Variants in PARD3B observed in about 807,000 individuals in gnomAD.
The protein encoded by PARD3B is par-3 family cell polarity regulator beta.
Under a neutral mutation model 130.2 loss-of-function variants are expected in PARD3B, and 103 were observed. The ratio of observed to expected loss-of-function variants is 0.79; its 90% CI spans 0.67 to 0.93. The LOEUF is 0.93. Ranked by LOEUF, PARD3B falls within the 40% of genes least tolerant of loss-of-function variation. The pLI, the probability that PARD3B is intolerant of heterozygous loss-of-function variation, is 0.00. For missense variants in PARD3B, 1,609 were observed against 1,499.2 expected (o/e 1.07, Z -1.21); for synonymous variants, 583 against 553.2 (o/e 1.05, Z -0.76).
intron 2 of PARD3B, among the ~76,000 whole-genome samples, chr2:204,807,752 A>T (rs2042825350): frequency 6.6e-6 from 1 of 152,138 alleles, no homozygotes; most frequent in African/African-American, 2.4e-5. Flanking sequence ...TAAACTTCAC[A>T]TCTTCTCTCT....
chr2:205,414,474 A>ACTAT (rs1030352120), intron 19 of PARD3B, among the ~76,000 whole-genome samples: 1 of 152,182 alleles, frequency 6.6e-6, no homozygotes, highest in African/African-American at 2.4e-5. Flanking sequence ...GAAAAGAATA[A>ACTAT]CTATCTATTA....
rs148123586 is a variant in PARD3B, at chr2:205,541,872, G to A, written c.3181-11452G>A. ...AGCACATGTTTGGCTGGCCAGACAC[G>A]GTGGCTCACACCTGTAATCCCAGCA... is the stretch of plus-strand genomic sequence containing the variant. On this transcript the variant is annotated intron_variant, in intron 21 of 22. Transcript: ENST00000406610. 9.7e-3 allele frequency among the ~76,000 whole-genome samples: 1,466 copies of A among 151,868 alleles called. 12 individuals carry two copies. Among genetic ancestry groups the A allele is most frequent in the South Asian group, 0.016 (75 of 4,802 alleles).
chr2:205,404,871 C>T (rs2046367917), intron 19 of PARD3B, among the ~76,000 whole-genome samples: 1 of 152,142 alleles, frequency 6.6e-6, no homozygotes, highest in Non-Finnish European at 1.5e-5. Flanking sequence ...GTACAAATGT[C>T]TTTATAAGTT....
At position 205,011,844 on chromosome 2, in the gene PARD3B, C is replaced by T. The variant is rs1575552692; in HGVS notation, c.395-35737C>T. On this transcript the variant is annotated intron_variant, in intron 3 of 22. Transcript: ENST00000406610. This position sits in a 1 kb window ranked among gnomAD's most constrained non-coding sequence, Gnocchi z 4.1. Reference sequence around the variant, plus strand: ...TCACACTCAGCCTCTGCAGTTATGCCTGGCATCATTTAGATCAGAATTGGT... The same window carrying T: ...TCACACTCAGCCTCTGCAGTTATGCTTGGCATCATTTAGATCAGAATTGGT... 6.6e-6 allele frequency among the ~76,000 whole-genome samples: 1 copy of T among 151,756 alleles called. No homozygotes were observed. The highest frequency in any genetic ancestry group is 1.9e-4 in the East Asian group (1 of 5,152).
intron 4 of PARD3B, among the ~76,000 whole-genome samples, chr2:205,053,080 G>C (rs1399357773): frequency 6.6e-6 from 1 of 152,010 alleles, no homozygotes; most frequent in Non-Finnish European, 1.5e-5. Context: ...ACAGTGAGTG[G>C]CTGCATTCTC....
At chr2:204,831,099 T>G (rs796398932) in intron 2 of PARD3B, among the ~76,000 whole-genome samples, 3 of 152,250 alleles carry the variant, frequency 2.0e-5, no homozygotes, top group African/African-American at 7.2e-5. Flanking sequence ...TTCTGTTGTC[T>G]GAACTCTTCT....
chr2:204,835,271 T>C (rs2043986580), intron 2 of PARD3B, among the ~76,000 whole-genome samples: 1 of 152,220 alleles, frequency 6.6e-6, no homozygotes, highest in Non-Finnish European at 1.5e-5. Context: ...TGTGTCTTGA[T>C]GCAGAAATTA....
chr2:204,940,604 A>T (rs560360215), intron 2 of PARD3B, among the ~76,000 whole-genome samples: 1 of 152,146 alleles, frequency 6.6e-6, no homozygotes, highest in Non-Finnish European at 1.5e-5. Context: ...CAGGGAAATT[A>T]GTACTATTAT....
intron 19 of PARD3B, among the ~76,000 whole-genome samples, chr2:205,404,334 T>C (rs1203635452): frequency 6.6e-6 from 1 of 152,208 alleles, no homozygotes; most frequent in Non-Finnish European, 1.5e-5. Context: ...AGAGATGATT[T>C]AAAGTATATG....
intron 2 of PARD3B, among the ~76,000 whole-genome samples, chr2:204,837,108 C>T (rs1218373512): frequency 1.3e-5 from 2 of 152,104 alleles, no homozygotes; most frequent in East Asian, 1.9e-4. Flanking sequence ...TGATTGGACC[C>T]CCTGATGTGT....
chr2:205,220,291 C>T (rs116819001), intron 15 of PARD3B, among the ~76,000 whole-genome samples: 1,607 of 152,190 alleles, frequency 0.011, 20 homozygotes, highest in African/African-American at 0.035. Flanking sequence ...CTTTCTCTTC[C>T]GCCTGTTCTC....
At chr2:205,164,462 A>G (rs1054855696) in intron 11 of PARD3B, among the ~76,000 whole-genome samples, 1 of 151,932 alleles carries the variant, frequency 6.6e-6, no homozygotes, top group Non-Finnish European at 1.5e-5. Flanking sequence ...GCGAGACCCC[A>G]TCTCTTTTTT....
intron 2 of PARD3B, among the ~76,000 whole-genome samples, chr2:204,950,980 A>G (rs62173485): frequency 9.1e-4 from 139 of 152,180 alleles, no homozygotes; most frequent in Non-Finnish European, 1.6e-3. Flanking sequence ...TACTAAGGGG[A>G]CTAGAGATTT....
In PARD3B at chr2:204,836,288, C is replaced by T. The variant is rs1295545144; in HGVS notation, c.223-128864C>T. ...CAGAAATAAGAATTTTACATCTCTA[C>T]AAGTAAATCAGAAATATAATTAGAT... On this transcript the variant is annotated intron_variant, in intron 2 of 22. Coordinates refer to ENST00000406610, the MANE Select transcript of PARD3B (RefSeq NM_001302769.2). 2.0e-5 allele frequency among the ~76,000 whole-genome samples: 3 copies of T among 152,106 alleles called. No individual in the cohort carries two copies. The East Asian group carries it at 5.8e-4, about 29-fold the overall frequency.
rs2044024895 is a variant in PARD3B at position 205,352,332 on chromosome 2, T to A, written c.2631-48681T>A. On this transcript the variant is annotated intron_variant, in intron 18 of 22. Transcript: ENST00000406610. The surrounding 1 kb of genome is among the most constrained non-coding windows in gnomAD (Gnocchi z 5.2). Reference sequence around the variant, plus strand: ...TGCTGGCTGGATATTTATTTCAGATTTTTGTGGTTTCTCATGTCGTGGATT... The same window carrying A: ...TGCTGGCTGGATATTTATTTCAGATATTTGTGGTTTCTCATGTCGTGGATT... 6.6e-6 allele frequency among the ~76,000 whole-genome samples: 1 copy of A among 152,160 alleles called. No individual in the cohort carries two copies. Among genetic ancestry groups the A allele is most frequent in the African/African-American group, 2.4e-5 (1 of 41,438 alleles).
chr2:204,739,890 T>A (rs1276753568), intron 2 of PARD3B, among the ~76,000 whole-genome samples: 3 of 152,156 alleles, frequency 2.0e-5, no homozygotes, highest in Non-Finnish European at 1.5e-5. Context: ...AGCTTTATTT[T>A]GTAATCATAA....
Position 204,545,978 on chromosome 2 carries a change from G to T in PARD3B, c.-22G>T. ...GTCAGACACCTGTTCGGCCCGGCCC[G>T]GCGTGGTCGCCGGGGGCCAGGATGA... On this transcript the variant is annotated 5_prime_UTR_variant, in exon 1 of 23. Transcript: ENST00000406610. 1 of 1,546,028 alleles carries T rather than the reference G, an allele frequency of 6.5e-7. No individual in the cohort carries two copies. The highest frequency in any genetic ancestry group is 8.7e-7 in the Non-Finnish European group (1 of 1,146,052).
intron 1 of PARD3B, among the ~76,000 whole-genome samples, chr2:204,602,509 C>T (rs1861766): frequency 0.65 from 98,935 of 151,872 alleles, 34,556 homozygotes; most frequent in Non-Finnish European, 0.78. Context: ...TTTCTACACA[C>T]ACCATTCCTA....
In PARD3B at chr2:205,300,856, T is replaced by TC; in HGVS notation, c.2392+120_2392+121insC. On this transcript the variant is annotated intron_variant, in intron 17 of 22. Transcript: ENST00000406610. This position sits in a 1 kb window ranked among gnomAD's most constrained non-coding sequence, Gnocchi z 4.1. ...TTAAGGATCACAATTATATTTTTGA[T>TC]ATTAAAAGTAATTCATTTTCCTGAT... 9.2e-7 allele frequency: 1 copy of TC among 1,081,828 alleles called. No individual in the cohort carries two copies. Among genetic ancestry groups the TC allele is most frequent in the Non-Finnish European group, 1.3e-6 (1 of 772,984 alleles). 67.0% of individuals were successfully genotyped at this position (1,081,828 alleles called of 1,614,324 possible).
Sources: gnomAD v4.1 joint callset for allele counts (sites outside exome capture counted in the v4.1 genomes callset) on GRCh38, gnomAD v4.1.1 for gene constraint, Gnocchi (gnomAD v3.1) non-coding constraint, MANE v1.5 for transcripts, NCBI Gene and HGNC (gene_info 2026-07-23, HGNC 2026-07-21) for gene names.